MAST4: variants seen among roughly 807,000 people sequenced by gnomAD.
MAST4 encodes microtubule associated serine/threonine kinase family member 4.
MAST4 carries 89 observed loss-of-function variants against 162.7 expected under a neutral mutation model. The ratio of observed to expected loss-of-function variants is 0.55; its 90% CI spans 0.46 to 0.65. MAST4 has a LOEUF of 0.65. MAST4 is among the 30% of genes least tolerant of loss of function. The pLI, the probability that MAST4 is intolerant of heterozygous loss-of-function variation, is 0.00. For synonymous variants in MAST4, 1,479 were observed against 1,361.1 expected (o/e 1.09, Z -1.91); for missense variants, 3,153 against 3,374.0 (o/e 0.93, Z 1.62).
At chr5:67,113,052 G>A (rs942099519) in intron 11 of MAST4, among the ~76,000 whole-genome samples, 1 of 152,130 alleles carries the variant, frequency 6.6e-6, no homozygotes, top group African/African-American at 2.4e-5. Flanking sequence ...GGTGGCTCAC[G>A]CCTGTAATCC....
Position 67,165,416 on chromosome 5 carries a change from G to A in MAST4, c.6237G>A (p.Val2079=), listed in dbSNP as rs1773772976. 5.6e-6 allele frequency: 9 copies of A among 1,613,792 alleles called. No individual in the cohort carries two copies. The African/African-American group carries it at 1.1e-4, about 19-fold the overall frequency. The change falls in exon 29 of 29, where the codon GTG becomes GTA. Residue 2079 remains valine, a synonymous_variant. Transcript: ENST00000403625. ...EKELGKVRRG[V]EPKPEALLAR... ...AGCTGGGCAAGGTGAGGCGTGGCGT[G>A]GAACCCAAGCCCGAAGCGCTTCTTG...
At chr5:66,700,788 T>TAC (rs1749717126) in intron 1 of MAST4, among the ~76,000 whole-genome samples, 1 of 105,682 alleles carries the variant, frequency 9.5e-6, no homozygotes, top group African/African-American at 3.9e-5. Flanking sequence ...AAATTATATA[T>TAC]ATATATATAT....
At chr5:66,912,397 A>G (rs540240441) in intron 4 of MAST4, among the ~76,000 whole-genome samples, 1 of 152,362 alleles carries the variant, frequency 6.6e-6, no homozygotes, top group South Asian at 2.1e-4. Flanking sequence ...TGCAAGAATA[A>G]GCAGAAGGTT....
intron 3 of MAST4, among the ~76,000 whole-genome samples, chr5:66,811,055 C>G (rs1408203917): frequency 6.6e-6 from 1 of 152,190 alleles, no homozygotes; most frequent in Non-Finnish European, 1.5e-5. Flanking sequence ...TAGAGCAGGG[C>G]CAGGCACGCA....
chr5:66,914,565 T>G (rs34072676), intron 4 of MAST4, among the ~76,000 whole-genome samples: 4,977 of 151,914 alleles, frequency 0.033, 144 homozygotes, highest in African/African-American at 0.076. Flanking sequence ...AGAGGAAGAG[T>G]GTGACCAGAG....
At chr5:66,897,722 A>G (rs1042036863) in intron 3 of MAST4, among the ~76,000 whole-genome samples, 1 of 152,146 alleles carries the variant, frequency 6.6e-6, no homozygotes. Flanking sequence ...CTCATCTTGG[A>G]ATCTCGGCTG....
chr5:66,974,288 A>G (rs1054623292), intron 4 of MAST4, among the ~76,000 whole-genome samples: 11 of 152,232 alleles, frequency 7.2e-5, no homozygotes, highest in African/African-American at 2.7e-4. Flanking sequence ...TTGAGTCCCT[A>G]GTATCTGGCA....
intron 3 of MAST4, among the ~76,000 whole-genome samples, chr5:66,882,920 G>C (rs572354201): frequency 2.0e-5 from 3 of 152,174 alleles, no homozygotes; most frequent in Non-Finnish European, 4.4e-5. Context: ...ACCGATACAA[G>C]AAGAAGCAAA....
intron 4 of MAST4, among the ~76,000 whole-genome samples, chr5:66,947,850 A>G (rs1744214385): frequency 6.6e-6 from 1 of 152,194 alleles, no homozygotes; most frequent in East Asian, 1.9e-4. Context: ...CTTTAGAGTC[A>G]GTAGCTGATG....
intron 2 of MAST4, among the ~76,000 whole-genome samples, chr5:66,774,828 T>C (rs1391418342): frequency 1.3e-5 from 2 of 152,198 alleles, no homozygotes; most frequent in African/African-American, 4.8e-5. Context: ...TAAATGTAGG[T>C]ATGCATCCTG....
intron 1 of MAST4, among the ~76,000 whole-genome samples, chr5:66,617,153 G>A (rs1743747767): frequency 2.6e-5 from 4 of 152,118 alleles, no homozygotes; most frequent in African/African-American, 9.7e-5. Flanking sequence ...ACAACCAGGA[G>A]CAGTATCTCA....
intron 24 of MAST4, 43 bp from the exon 25 acceptor site, chr5:67,152,594 G>C (rs1371189296): frequency 1.3e-6 from 2 of 1,556,016 alleles, no homozygotes; most frequent in Non-Finnish European, 1.8e-6. Flanking sequence ...ATGGATGCTT[G>C]TGTGAGCCAC....
intron 1 of MAST4, among the ~76,000 whole-genome samples, chr5:66,640,372 A>G (rs549635693): frequency 1.3e-5 from 2 of 151,784 alleles, no homozygotes; most frequent in African/African-American, 4.8e-5. Flanking sequence ...CAGTGGCACA[A>G]TCTCGGCTCA....
At chr5:66,662,379 A>T (rs1746971848) in intron 1 of MAST4, 1 of 152,204 alleles carries the variant, frequency 6.6e-6, no homozygotes, top group South Asian at 2.1e-4. Flanking sequence ...TGAGAGAAAG[A>T]GTTGTCTTTA....
intron 4 of MAST4, among the ~76,000 whole-genome samples, chr5:66,939,994 G>C (rs1743189427): frequency 6.6e-6 from 1 of 152,008 alleles, no homozygotes; most frequent in African/African-American, 2.4e-5. Flanking sequence ...TTGATCCTAG[G>C]AGTACGAGGC....
intron 4 of MAST4, among the ~76,000 whole-genome samples, chr5:66,926,720 G>A (rs1164242003): frequency 1.3e-5 from 2 of 151,784 alleles, no homozygotes; most frequent in Non-Finnish European, 2.9e-5. Context: ...TACATTGATA[G>A]TTTTTTGTTG....
In MAST4 at chr5:66,732,879, C is replaced by T. The variant is rs773814426; in HGVS notation, c.364-26830C>T. Among the ~76,000 whole-genome samples the T allele has an allele frequency of 3.3e-4, 50 of 152,160 alleles. 1 individual carries two copies. The highest frequency in any genetic ancestry group is 2.4e-3 in the Admixed American group (37 of 15,282). On this transcript the variant is annotated intron_variant, in intron 1 of 28. Coordinates refer to ENST00000403625, the MANE Select transcript of MAST4 (RefSeq NM_001164664.2). ...TCCTTTAGCTTTCTTCTTAGTATTT[C>T]GCCATTCGGTCTCTAAAGCTCTGCT...
intron 3 of MAST4, among the ~76,000 whole-genome samples, chr5:66,879,819 T>C (rs1052686698): frequency 1.3e-5 from 2 of 152,214 alleles, no homozygotes; most frequent in East Asian, 3.8e-4. Context: ...GGAAATAGCT[T>C]TCTTACTTAT....
chr5:66,721,189 C>A (rs1276674749), intron 1 of MAST4, among the ~76,000 whole-genome samples: 2 of 152,208 alleles, frequency 1.3e-5, no homozygotes, highest in East Asian at 3.9e-4. Context: ...CTTGCCCCCA[C>A]TTTCTCATCA....
Sources: gnomAD v4.1 joint callset for allele counts (sites outside exome capture counted in the v4.1 genomes callset) on GRCh38, gnomAD v4.1.1 for gene constraint, MANE v1.5 for transcripts, NCBI Gene and HGNC (gene_info 2026-07-23, HGNC 2026-07-21) for gene names.